The following CHCHD6 variants were observed in gnomAD, a reference collection of about 807,000 sequenced individuals.
The protein encoded by CHCHD6 is coiled-coil-helix-coiled-coil-helix domain containing 6.
Under a neutral mutation model 32.3 loss-of-function variants are expected in CHCHD6, and 28 were observed. The observed-to-expected ratio is 0.87, with a 90% CI of 0.64 to 1.19. CHCHD6 has a LOEUF of 1.19. CHCHD6 is among the 50% of genes most tolerant of loss of function. The pLI, the probability that CHCHD6 is intolerant of heterozygous loss-of-function variation, is 0.00. For synonymous variants in CHCHD6, 122 were observed against 117.5 expected, an observed-to-expected ratio of 1.04 and a Z score of -0.25; for missense variants, 333 against 307.0, an observed-to-expected ratio of 1.08 and a Z score of -0.63.
chr3:126,783,935 A>G (rs1938074360), intron 4 of CHCHD6, among the ~76,000 whole-genome samples: 1 of 152,264 alleles, frequency 6.6e-6, no homozygotes, highest in Non-Finnish European at 1.5e-5. Context: ...AAGTAATTCA[A>G]TACTTTTGGG....
At chr3:126,944,395 A>G (rs1160972475) in intron 6 of CHCHD6, among the ~76,000 whole-genome samples, 1 of 152,242 alleles carries the variant, frequency 6.6e-6, no homozygotes, top group Non-Finnish European at 1.5e-5. Flanking sequence ...TGCCTACCTC[A>G]ATTTATTTAT....
chr3:126,934,821 T>C (rs901760012), intron 6 of CHCHD6, among the ~76,000 whole-genome samples: 5 of 152,164 alleles, frequency 3.3e-5, no homozygotes, highest in African/African-American at 4.8e-5. Context: ...AGTGCTGGGA[T>C]TACAGGCGTG....
chr3:126,797,331 CGGG>C (rs1040550011), intron 4 of CHCHD6, among the ~76,000 whole-genome samples: 2 of 152,112 alleles, frequency 1.3e-5, no homozygotes, highest in African/African-American at 4.8e-5. Context: ...CTGCCTAAGA[CGGG>C]GGAGCAGGGC....
chr3:126,722,696 A>G (rs1935363082), intron 1 of CHCHD6, among the ~76,000 whole-genome samples: 1 of 152,304 alleles, frequency 6.6e-6, no homozygotes, highest in East Asian at 1.9e-4. Flanking sequence ...TATGTTTTAG[A>G]TAAAAGTTCC....
At chr3:126,738,720 T>C (rs1047716120) in intron 4 of CHCHD6, among the ~76,000 whole-genome samples, 3 of 152,164 alleles carry the variant, frequency 2.0e-5, no homozygotes, top group African/African-American at 7.2e-5. Context: ...TTGCTAATAG[T>C]TGGAAGCAAG....
At chr3:126,860,072 C>G (rs577037904) in intron 5 of CHCHD6, among the ~76,000 whole-genome samples, 3 of 152,022 alleles carry the variant, frequency 2.0e-5, no homozygotes, top group Admixed American at 2.0e-4. Flanking sequence ...TCCAATGTGG[C>G]CAGCAGTACT....
chr3:126,852,802 A>AT, intron 5 of CHCHD6, 72 bp downstream of exon 5: 3 of 1,053,918 alleles, frequency 2.8e-6, no homozygotes, highest in East Asian at 4.9e-5. Flanking sequence ...CATCACTGTC[A>AT]TGGGGGGAGA....
At chr3:126,794,769 A>G (rs1938712867) in intron 4 of CHCHD6, among the ~76,000 whole-genome samples, 1 of 152,062 alleles carries the variant, frequency 6.6e-6, no homozygotes, top group African/African-American at 2.4e-5. Flanking sequence ...GACTTCTTAG[A>G]ATAGTATCAT....
chr3:126,811,642 G>T (rs1394933716), intron 4 of CHCHD6, among the ~76,000 whole-genome samples: 1 of 152,048 alleles, frequency 6.6e-6, no homozygotes, highest in Non-Finnish European at 1.5e-5. Context: ...TATTTGAGGA[G>T]GCTGTTGACA....
At chr3:126,957,690 G>A in intron 7 of CHCHD6, 139 bp downstream of exon 7, 1 of 1,086,334 alleles carries the variant, frequency 9.2e-7, no homozygotes, top group African/African-American at 1.6e-5. Flanking sequence ...ATTTGCCAAG[G>A]GAGGGATTCT....
At chr3:126,865,386 T>C (rs1942255600) in intron 5 of CHCHD6, 1 of 162,686 alleles carries the variant, frequency 6.1e-6, no homozygotes, top group African/African-American at 2.5e-5. Context: ...ATTTCTGTCA[T>C]CATCTCCACC....
chr3:126,863,634 C>T (rs1942068332), intron 5 of CHCHD6, among the ~76,000 whole-genome samples: 1 of 139,464 alleles, frequency 7.2e-6, no homozygotes, highest in Non-Finnish European at 1.5e-5. Context: ...CCACCTCACC[C>T]TCTTCCACCA....
intron 5 of CHCHD6, among the ~76,000 whole-genome samples, chr3:126,891,382 C>T (rs2077757780): frequency 6.6e-6 from 1 of 152,122 alleles, no homozygotes; most frequent in Admixed American, 6.5e-5. Context: ...GGAAATGCAC[C>T]TGCAGGTTTA....
chr3:126,755,811 TATGTGTGTGTGTACATCTGTGTGTGC>T (rs1321326632), intron 4 of CHCHD6, among the ~76,000 whole-genome samples: 2 of 151,416 alleles, frequency 1.3e-5, no homozygotes, highest in Non-Finnish European at 2.9e-5. Flanking sequence ...CACTGTTGTC[TATGTGTGTGTGTACATCTGTGTGTGC>T]ATGTGTGTGT....
At chr3:126,884,386 G>A (rs1412162873) in intron 5 of CHCHD6, among the ~76,000 whole-genome samples, 1 of 152,140 alleles carries the variant, frequency 6.6e-6, no homozygotes, top group Non-Finnish European at 1.5e-5. Context: ...CAATCAAAGA[G>A]GGAATTATTT....
intron 4 of CHCHD6, among the ~76,000 whole-genome samples, chr3:126,801,215 A>G (rs1939050148): frequency 6.6e-6 from 1 of 152,238 alleles, no homozygotes; most frequent in Non-Finnish European, 1.5e-5. Flanking sequence ...TGGGCGCAGG[A>G]CAGGCGGTGC....
intron 6 of CHCHD6, among the ~76,000 whole-genome samples, chr3:126,920,742 C>G (rs916831671): frequency 6.6e-6 from 1 of 152,192 alleles, no homozygotes; most frequent in African/African-American, 2.4e-5. Flanking sequence ...GTGAGACTGC[C>G]GAGAATCTCC....
chr3:126,954,428 T>C (rs1370941623), intron 6 of CHCHD6, among the ~76,000 whole-genome samples: 1 of 152,228 alleles, frequency 6.6e-6, no homozygotes, highest in East Asian at 1.9e-4. Context: ...CTGTTGTGCC[T>C]CTGTAGAGGG....
rs891919041 is a variant in CHCHD6 at position 126,942,577 on chromosome 3, T to C, written c.567-14839T>C. On this transcript the variant is annotated intron_variant, in intron 6 of 7. Transcript: ENST00000290913. ...TTAATATTCAAAATGCCATAGATTT[T>C]GCCCTTCAAACTGACTCTCCTTCCT... Among the ~76,000 whole-genome samples, 5 of 152,326 alleles carry C rather than the reference T, an allele frequency of 3.3e-5. No homozygotes were observed. The South Asian group carries it at 1.0e-3, about 32-fold the overall frequency.
Sources: gnomAD v4.1 joint callset for allele counts (sites outside exome capture counted in the v4.1 genomes callset) on GRCh38, gnomAD v4.1.1 for gene constraint, MANE v1.5 for transcripts, NCBI Gene and HGNC (gene_info 2026-07-23, HGNC 2026-07-21) for gene names.